Variants in MECOM observed in about 807,000 individuals in gnomAD.
MECOM encodes the protein histone-lysine N-methyltransferase MECOM.
A neutral mutation model predicts 116.3 loss-of-function variants in MECOM; 13 were observed. That is an observed-to-expected ratio of 0.11 (90% CI 0.07 to 0.18). MECOM has a LOEUF of 0.18. Ranked by LOEUF, MECOM falls within the 10% of genes least tolerant of loss-of-function variation. The pLI is 1.00. For synonymous variants in MECOM, 528 were observed against 535.2 expected (o/e 0.99, Z 0.19); for missense variants, 1,299 against 1,509.0 (o/e 0.86, Z 2.31).
At chr3:169,090,349 G>A (rs932729759) in intron 14 of MECOM, 113 bp from the exon 15 acceptor site, 35 of 915,718 alleles carry the variant, frequency 3.8e-5, no homozygotes, top group South Asian at 1.9e-4. Context: ...ACTTAACATC[G>A]GAAATGTTTT....
At chr3:169,584,160 A>G (rs1393016434) in intron 1 of MECOM, among the ~76,000 whole-genome samples, 3 of 152,220 alleles carry the variant, frequency 2.0e-5, no homozygotes, top group Admixed American at 2.0e-4. Flanking sequence ...GACATAGAAG[A>G]TATTCTCATT....
At chr3:169,296,200 G>T (rs1014050012) in intron 2 of MECOM, among the ~76,000 whole-genome samples, 3 of 152,122 alleles carry the variant, frequency 2.0e-5, no homozygotes, top group African/African-American at 7.2e-5. Flanking sequence ...CCAGCTATGG[G>T]ACTCCTAAGT....
intron 2 of MECOM, among the ~76,000 whole-genome samples, chr3:169,188,732 T>A (rs1400792167): frequency 6.6e-6 from 1 of 152,100 alleles, no homozygotes; most frequent in Non-Finnish European, 1.5e-5. Context: ...TTTTACCAAC[T>A]CTGCATACTA....
At chr3:169,513,316 T>C (rs1756215762) in intron 1 of MECOM, among the ~76,000 whole-genome samples, 1 of 152,182 alleles carries the variant, frequency 6.6e-6, no homozygotes, top group African/African-American at 2.4e-5. Context: ...CCATCAAGTG[T>C]GATGTGGAGC....
At chr3:169,616,554 A>G (rs1340085856) in intron 1 of MECOM, among the ~76,000 whole-genome samples, 1 of 152,154 alleles carries the variant, frequency 6.6e-6, no homozygotes, top group African/African-American at 2.4e-5. Context: ...TGGCGAGGCT[A>G]GTTTCAAACT....
chr3:169,568,138 G>T (rs1005760021), intron 1 of MECOM, among the ~76,000 whole-genome samples: 3 of 152,156 alleles, frequency 2.0e-5, no homozygotes, highest in Non-Finnish European at 4.4e-5. Flanking sequence ...CCCTTCTCTA[G>T]CCGACAGAAG....
intron 1 of MECOM, among the ~76,000 whole-genome samples, chr3:169,657,727 C>A (rs1044713945): frequency 1.3e-5 from 2 of 152,244 alleles, no homozygotes; most frequent in African/African-American, 4.8e-5. Context: ...TCAAAGGAGG[C>A]TAAGTGTGTT....
At chr3:169,248,297 C>T (rs1755836353) in intron 2 of MECOM, among the ~76,000 whole-genome samples, 1 of 152,018 alleles carries the variant, frequency 6.6e-6, no homozygotes, top group South Asian at 2.1e-4. Context: ...GATTGGTGGC[C>T]CCTAAATGAT....
chr3:169,297,029 C>G (rs972090154), intron 2 of MECOM, among the ~76,000 whole-genome samples: 2 of 152,328 alleles, frequency 1.3e-5, no homozygotes, highest in Non-Finnish European at 2.9e-5. Flanking sequence ...ACCAGCTGTG[C>G]TCTTTCAACA....
intron 1 of MECOM, among the ~76,000 whole-genome samples, chr3:169,448,536 G>A (rs540383159): frequency 6.6e-6 from 1 of 152,076 alleles, no homozygotes; most frequent in East Asian, 1.9e-4. Flanking sequence ...GTAAATTTGG[G>A]ATATTATGGC....
chr3:169,266,794 T>C (rs1301710365), intron 2 of MECOM, among the ~76,000 whole-genome samples: 2 of 152,176 alleles, frequency 1.3e-5, no homozygotes, highest in Non-Finnish European at 2.9e-5. Flanking sequence ...GACAAGAAGT[T>C]GCCTATTCAA....
At chr3:169,167,080 T>C (rs902913522) in intron 2 of MECOM, among the ~76,000 whole-genome samples, 2 of 152,080 alleles carry the variant, frequency 1.3e-5, no homozygotes, top group Non-Finnish European at 2.9e-5. Flanking sequence ...GCTCAAGCAA[T>C]CCTCTCACCT....
At chr3:169,381,627 A>C (rs1393011341) in intron 1 of MECOM, 103 bp from the exon 2 acceptor site, 2 of 870,210 alleles carry the variant, frequency 2.3e-6, no homozygotes, top group Non-Finnish European at 3.4e-6. Context: ...GATAAACAGG[A>C]AAGACCATTG....
At chr3:169,633,659 A>T (rs1772359696) in intron 1 of MECOM, among the ~76,000 whole-genome samples, 1 of 152,216 alleles carries the variant, frequency 6.6e-6, no homozygotes, top group Middle Eastern at 3.4e-3. Context: ...GTGGTCTCCA[A>T]GCATCCCAGC....
At chr3:169,435,818 T>G (rs1742537059) in intron 1 of MECOM, among the ~76,000 whole-genome samples, 1 of 152,114 alleles carries the variant, frequency 6.6e-6, no homozygotes, top group African/African-American at 2.4e-5. Context: ...ACCACATAAA[T>G]CAGTATAAAA....
At chr3:169,209,404 C>T (rs1330426222) in intron 2 of MECOM, among the ~76,000 whole-genome samples, 1 of 152,150 alleles carries the variant, frequency 6.6e-6, no homozygotes, top group African/African-American at 2.4e-5. Context: ...AAACTGTCAT[C>T]AGAGTGAACA....
intron 1 of MECOM, among the ~76,000 whole-genome samples, chr3:169,511,192 A>T (rs955616033): frequency 6.6e-6 from 1 of 152,244 alleles, no homozygotes; most frequent in Admixed American, 6.5e-5. Context: ...TCAGACTTGC[A>T]TTCAAATTAA....
In MECOM at chr3:169,160,734, T is replaced by C. The variant is rs76816109; in HGVS notation, c.376-16902A>G. Among the ~76,000 whole-genome samples, 464 of 152,088 alleles carry C rather than the reference T, an allele frequency of 3.1e-3. 3 individuals are homozygous for C. Among genetic ancestry groups the C allele is most frequent in the African/African-American group, 0.011 (447 of 41,518 alleles). On this transcript the variant is annotated intron_variant, in intron 2 of 16. Coordinates refer to ENST00000651503, the MANE Select transcript of MECOM (RefSeq NM_004991.4). ...ATGCTTGAAGTTATTGATACCCTCA[T>C]TTAACCTGATGATATTATTATGCAT...
intron 1 of MECOM, among the ~76,000 whole-genome samples, chr3:169,420,692 T>A (rs1253124271): frequency 6.6e-6 from 1 of 152,106 alleles, no homozygotes; most frequent in Non-Finnish European, 1.5e-5. Flanking sequence ...GACTCATGAC[T>A]CAATTTTTAC....
Sources: gnomAD v4.1 joint callset for allele counts (sites outside exome capture counted in the v4.1 genomes callset) on GRCh38, gnomAD v4.1.1 for gene constraint, MANE v1.5 for transcripts, NCBI Gene and HGNC (gene_info 2026-07-23, HGNC 2026-07-21) for gene names.